The following DCHS2 variants were observed in gnomAD, a reference collection of about 807,000 sequenced individuals.
The protein encoded by DCHS2 is dachsous cadherin-related 2.
In DCHS2, 142 loss-of-function variants were observed where a neutral mutation model predicts 182.4. The ratio of observed to expected loss-of-function variants is 0.78; its 90% CI spans 0.68 to 0.89. The LOEUF (loss-of-function observed/expected upper bound fraction) is 0.89. DCHS2 is among the 40% of genes least tolerant of loss of function. The pLI, the probability that DCHS2 is intolerant of heterozygous loss-of-function variation, is 0.00. For synonymous variants in DCHS2, 1,740 were observed against 1,663.3 expected, an observed-to-expected ratio of 1.05 and a Z score of -1.12; for missense variants, 4,319 against 4,198.6, an observed-to-expected ratio of 1.03 and a Z score of -0.79.
chr4:154,255,254 AT>A (rs1732599129), intron 16 of DCHS2, among the ~76,000 whole-genome samples: 1 of 152,236 alleles, frequency 6.6e-6, no homozygotes, highest in African/African-American at 2.4e-5. Context: ...TTAGTGCTTA[AT>A]AGCATCACAA....
At chr4:154,302,377 G>T (rs1174329046) in intron 12 of DCHS2, among the ~76,000 whole-genome samples, 1 of 152,176 alleles carries the variant, frequency 6.6e-6, no homozygotes, top group Non-Finnish European at 1.5e-5. Flanking sequence ...GTGCAGGGTG[G>T]TTCTCATCCT....
At chr4:154,286,806 A>G (rs1734421157) in intron 13 of DCHS2, among the ~76,000 whole-genome samples, 1 of 152,178 alleles carries the variant, frequency 6.6e-6, no homozygotes. Context: ...CAAAGGGATG[A>G]TAACAGAGAA....
intron 5 of DCHS2, 130 bp from the exon 6 acceptor site, chr4:154,329,840 G>C (rs1736450990): frequency 2.6e-6 from 2 of 756,666 alleles, no homozygotes; most frequent in Admixed American, 6.3e-5. Context: ...CATCTACATA[G>C]TAGTTTGGCT....
At chr4:154,328,823 C>T (rs1224965620) in intron 6 of DCHS2, among the ~76,000 whole-genome samples, 2 of 152,136 alleles carry the variant, frequency 1.3e-5, no homozygotes, top group East Asian at 1.9e-4. Context: ...TTCCTCAATA[C>T]TTTTGTTGAG....
Position 154,317,542 on chromosome 4 carries a change from C to T in DCHS2, c.5021-1555G>A, listed in dbSNP as rs565132177. Among the ~76,000 whole-genome samples the T allele has an allele frequency of 1.3e-4, 20 of 152,328 alleles. No homozygotes were observed. The Middle Eastern group carries it at 0.014, about 104-fold the overall frequency. ...CTTCCAAATCCTCCACATTTAACTC[C>T]ATTCCAAATAATGCTTTTAACTAAC... On this transcript the variant is annotated intron_variant, in intron 9 of 19. Coordinates refer to ENST00000357232, the MANE Select transcript of DCHS2 (RefSeq NM_001358235.2).
At chr4:154,462,654 T>C (rs575741890) in intron 1 of DCHS2, among the ~76,000 whole-genome samples, 1 of 152,196 alleles carries the variant, frequency 6.6e-6, no homozygotes, top group East Asian at 1.9e-4. Flanking sequence ...AATTGACAAC[T>C]GTTCCAATCC....
intron 1 of DCHS2, among the ~76,000 whole-genome samples, chr4:154,442,537 C>CA (rs1200014866): frequency 0.01 from 775 of 77,412 alleles, 37 homozygotes; most frequent in African/African-American, 0.029. Flanking sequence ...ACACCCCCCC[C>CA]CCCCCACACA....
chr4:154,320,504 A>G lies in DCHS2; in HGVS notation c.4895T>C (p.Val1632Ala). Residue 1632 changes from valine (V) to alanine (A), a missense_variant, in exon 9 of 20, where the codon GTC becomes GCC. Transcript: ENST00000357232. ...GTGGTGGACCAAGGAGCCCACTGTG[A>G]CATCCTCTTTGACATGGGCATTGGG... ...SFPNAHVKED[V>A]TVGSLVHHIT... is the part of the protein sequence containing the mutation. 1 of 1,614,098 alleles carries G rather than the reference A, an allele frequency of 6.2e-7. No homozygotes were observed. The highest frequency in any genetic ancestry group is 8.5e-7 in the Non-Finnish European group (1 of 1,180,002).
chr4:154,440,183 G>C (rs1237788786), intron 1 of DCHS2, among the ~76,000 whole-genome samples: 1 of 152,142 alleles, frequency 6.6e-6, no homozygotes, highest in African/African-American at 2.4e-5. Flanking sequence ...TGGAGGAAAG[G>C]ACTAGAGTGA....
intron 1 of DCHS2, among the ~76,000 whole-genome samples, chr4:154,463,551 C>A (rs545329307): frequency 5.0e-4 from 76 of 152,170 alleles, no homozygotes; most frequent in African/African-American, 1.7e-3. Context: ...TCATTGATTT[C>A]TTGAAGGAGA....
At chr4:154,358,830 A>C (rs2110748097) in intron 3 of DCHS2, among the ~76,000 whole-genome samples, 1 of 152,038 alleles carries the variant, frequency 6.6e-6, no homozygotes, top group East Asian at 1.9e-4. Context: ...TAAATAAACT[A>C]AGCTCTCTAT....
intron 1 of DCHS2, among the ~76,000 whole-genome samples, chr4:154,404,914 T>C (rs1367341444): frequency 6.6e-6 from 1 of 152,204 alleles, no homozygotes; most frequent in African/African-American, 2.4e-5. Flanking sequence ...TCCCCTACCT[T>C]CACTCACACC....
At position 154,433,321 on chromosome 4, in the gene DCHS2, C is replaced by T. The variant is rs115837562; in HGVS notation, c.2053-55877G>A. ...TGGAGCCTTCAGAGGGACCATGGCCCTGCCAAGTACATTCATTTCGGACTT... is the reference window on the plus strand; with the variant it reads ...TGGAGCCTTCAGAGGGACCATGGCCTTGCCAAGTACATTCATTTCGGACTT... On this transcript the variant is annotated intron_variant, in intron 1 of 19. Coordinates refer to ENST00000357232, the MANE Select transcript of DCHS2 (RefSeq NM_001358235.2). Among the ~76,000 whole-genome samples, 579 of 151,400 alleles carry T rather than the reference C, an allele frequency of 3.8e-3. 4 individuals are homozygous for T. Among genetic ancestry groups the T allele is most frequent in the African/African-American group, 0.014 (562 of 41,268 alleles).
rs546617253 is a variant in DCHS2, at chr4:154,490,060, C to G, written c.1296G>C (p.Pro432=). The G allele has an allele frequency of 1.4e-5, 22 of 1,549,102 alleles. No individual in the cohort carries two copies. Among genetic ancestry groups the G allele is most frequent in the South Asian group, 8.3e-5 (7 of 84,034 alleles). The part of the protein sequence containing the change: ...GVARVSEGAR[P]GDYVARVSVS... ...CCGAGACGCGAGCCACGTAGTCGCC[C>G]GGTCGGGCGCCTTCAGAGACACGGG... Residue 432 remains proline (P), a synonymous_variant, in exon 1 of 20, where the codon CCG becomes CCC. Coordinates refer to ENST00000357232, the MANE Select transcript of DCHS2 (RefSeq NM_001358235.2).
In DCHS2 at chr4:154,490,275, G is replaced by A. The variant is rs1579133631; in HGVS notation, c.1081C>T (p.Leu361=). 2 of 1,548,718 alleles carry A rather than the reference G, an allele frequency of 1.3e-6. No homozygotes were observed. Among genetic ancestry groups the A allele is most frequent in the Non-Finnish European group, 1.7e-6 (2 of 1,146,732 alleles). Residue 361 remains leucine, a synonymous_variant, in exon 1 of 20, where the codon CTG becomes TTG. Coordinates refer to ENST00000357232, the MANE Select transcript of DCHS2 (RefSeq NM_001358235.2). The part of the protein sequence containing the change: ...GDAAYFAVEE[L]SGVVRVWRPL... ...CTCCACACTCGCACCACGCCGCTCA[G>A]CTCCTCCACCGCGAAGTAGGCCGCG...
chr4:154,488,460 G>A (rs916963238), intron 1 of DCHS2, among the ~76,000 whole-genome samples: 7 of 152,110 alleles, frequency 4.6e-5, no homozygotes, highest in African/African-American at 7.2e-5. Flanking sequence ...TGTAAGCTTC[G>A]AAGGAAGGTA....
At chr4:154,473,278 C>G (rs1415216208) in intron 1 of DCHS2, among the ~76,000 whole-genome samples, 6 of 152,194 alleles carry the variant, frequency 3.9e-5, no homozygotes, top group Admixed American at 2.0e-4. Flanking sequence ...ATTCTGATTC[C>G]CAGAGTTGGG....
chr4:154,329,052 A>T (rs1045219771), intron 6 of DCHS2, among the ~76,000 whole-genome samples: 1 of 152,244 alleles, frequency 6.6e-6, no homozygotes, highest in African/African-American at 2.4e-5. Flanking sequence ...TAATATAAAT[A>T]TAATTGCCAG....
chr4:154,460,425 T>C (rs1734963617), intron 1 of DCHS2, among the ~76,000 whole-genome samples: 1 of 152,208 alleles, frequency 6.6e-6, no homozygotes, highest in African/African-American at 2.4e-5. Flanking sequence ...CTCCACCATG[T>C]ATGATCTGTT....
Sources: allele counts gnomAD v4.1 joint callset (sites outside exome capture counted in the v4.1 genomes callset), GRCh38; gene constraint gnomAD v4.1.1; transcripts MANE v1.5; gene names NCBI Gene and HGNC (gene_info 2026-07-23, HGNC 2026-07-21).